The following CNTN4 variants were observed in gnomAD, a reference collection of about 807,000 sequenced individuals.
CNTN4 encodes contactin 4, also known as contactin-4.
Under a neutral mutation model 122.5 loss-of-function variants are expected in CNTN4, and 77 were observed. The observed-to-expected ratio is 0.63, with a 90% CI of 0.52 to 0.76. CNTN4 has a LOEUF of 0.76. Among genes scored for constraint, CNTN4 ranks in the 30% least tolerant of loss-of-function variants. The pLI, the probability that CNTN4 is intolerant of heterozygous loss-of-function variation, is 0.00. For missense variants in CNTN4, 1,256 were observed against 1,259.1 expected, an observed-to-expected ratio of 1.00 and a Z score of 0.04; for synonymous variants, 512 against 447.0, an observed-to-expected ratio of 1.15 and a Z score of -1.83.
chr3:2,551,101 T>TA (rs550637725), intron 3 of CNTN4, among the ~76,000 whole-genome samples: 98 of 148,888 alleles, frequency 6.6e-4, no homozygotes, highest in East Asian at 2.6e-3. Flanking sequence ...TAAAATATAA[T>TA]AAAAAAAAAA....
intron 2 of CNTN4, among the ~76,000 whole-genome samples, chr3:2,332,344 A>C (rs527902717): frequency 1.3e-5 from 2 of 152,174 alleles, no homozygotes; most frequent in Admixed American, 6.5e-5. Context: ...ATCTCTCCAA[A>C]TAAGTATAAT....
At chr3:2,302,970 A>G (rs1485198695) in intron 2 of CNTN4, among the ~76,000 whole-genome samples, 2 of 152,184 alleles carry the variant, frequency 1.3e-5, no homozygotes, top group Non-Finnish European at 2.9e-5. Flanking sequence ...ACCCTGGAAG[A>G]AGCTGCTTTG....
At chr3:2,515,456 G>C (rs1284973874) in intron 3 of CNTN4, among the ~76,000 whole-genome samples, 1 of 152,136 alleles carries the variant, frequency 6.6e-6, no homozygotes, top group African/African-American at 2.4e-5. Context: ...CGAATGATTT[G>C]ATTTTTCTGT....
chr3:2,884,467 A>C (rs776253090), intron 9 of CNTN4, among the ~76,000 whole-genome samples: 15 of 152,198 alleles, frequency 9.9e-5, no homozygotes, highest in Non-Finnish European at 2.1e-4. Flanking sequence ...AAAACTTATC[A>C]TATTAAATAA....
At chr3:2,297,372 G>T (rs1287905314) in intron 2 of CNTN4, among the ~76,000 whole-genome samples, 1 of 152,108 alleles carries the variant, frequency 6.6e-6, no homozygotes, top group Non-Finnish European at 1.5e-5. Flanking sequence ...TAAACATTCT[G>T]ATGCTTTAAC....
At chr3:2,578,762 T>A (rs2149545505) in intron 4 of CNTN4, among the ~76,000 whole-genome samples, 1 of 152,252 alleles carries the variant, frequency 6.6e-6, no homozygotes, top group African/African-American at 2.4e-5. Context: ...GGTTTCCTGT[T>A]TGCTCTACGC....
rs145854472 is a variant in CNTN4, at chr3:2,476,234, C to T, written c.-88-95182C>T. On this transcript the variant is annotated intron_variant, in intron 3 of 24. Coordinates refer to ENST00000418658, the MANE Select transcript of CNTN4 (RefSeq NM_175607.3). ...TAGTTCAGGTGATTTTGTGGGCTTG[C>T]ACTTTCTGATGAAACCAGAGGCAGA... Among the ~76,000 whole-genome samples the T allele has an allele frequency of 1.9e-3, 295 of 152,280 alleles. 1 individual carries two copies. The highest frequency in any genetic ancestry group is 3.6e-3 in the Non-Finnish European group (247 of 68,022).
chr3:2,323,895 A>G (rs1264609687), intron 2 of CNTN4, among the ~76,000 whole-genome samples: 1 of 152,210 alleles, frequency 6.6e-6, no homozygotes. Context: ...TGTACCGTGC[A>G]TTGGCAATCC....
At chr3:3,017,061 C>T (rs1297135381) in intron 14 of CNTN4, among the ~76,000 whole-genome samples, 1 of 152,154 alleles carries the variant, frequency 6.6e-6, no homozygotes, top group Non-Finnish European at 1.5e-5. Flanking sequence ...TGTGAACGTG[C>T]CCTATGCTAC....
chr3:2,782,331 A>G (rs924539007), intron 6 of CNTN4, among the ~76,000 whole-genome samples: 40 of 152,152 alleles, frequency 2.6e-4, no homozygotes, highest in African/African-American at 9.4e-4. Context: ...GTTTATAGCA[A>G]GATACCTCTG....
intron 4 of CNTN4, among the ~76,000 whole-genome samples, chr3:2,714,200 A>T (rs2728045): frequency 0.063 from 9,528 of 152,048 alleles, 751 homozygotes; most frequent in African/African-American, 0.19. Context: ...CAATTTTTTT[A>T]AAAAAATCAG....
intron 17 of CNTN4, among the ~76,000 whole-genome samples, chr3:3,036,549 G>A (rs573896543): frequency 6.6e-6 from 1 of 152,122 alleles, no homozygotes; most frequent in South Asian, 2.1e-4. Context: ...GATCGCTTGA[G>A]CCCAGGAGTT....
intron 6 of CNTN4, among the ~76,000 whole-genome samples, chr3:2,763,199 C>G (rs1423248294): frequency 6.6e-6 from 1 of 152,166 alleles, no homozygotes; most frequent in Non-Finnish European, 1.5e-5. Flanking sequence ...CCCACCTCGG[C>G]CTCCCAAAGT....
intron 8 of CNTN4, among the ~76,000 whole-genome samples, chr3:2,879,424 T>C (rs1485534802): frequency 6.6e-6 from 1 of 152,210 alleles, no homozygotes; most frequent in Non-Finnish European, 1.5e-5. Flanking sequence ...TGTAATGCTT[T>C]GTTAAAGCAT....
chr3:2,598,807 A>G (rs186289182), intron 4 of CNTN4, among the ~76,000 whole-genome samples: 2 of 152,306 alleles, frequency 1.3e-5, no homozygotes, highest in East Asian at 1.9e-4. Context: ...TCCCTCCAAC[A>G]TATATACATG....
chr3:2,943,487 G>A (rs575284004), intron 13 of CNTN4, among the ~76,000 whole-genome samples: 2 of 151,706 alleles, frequency 1.3e-5, no homozygotes, highest in Admixed American at 1.3e-4. Flanking sequence ...CACCATCTTC[G>A]TTCTTGATTT....
At chr3:2,477,476 T>G (rs753197101) in intron 3 of CNTN4, among the ~76,000 whole-genome samples, 1 of 152,188 alleles carries the variant, frequency 6.6e-6, no homozygotes, top group African/African-American at 2.4e-5. Flanking sequence ...AAACAGAATA[T>G]TTTTATCCTA....
chr3:2,191,527 C>T (rs1164913506), intron 2 of CNTN4, among the ~76,000 whole-genome samples: 1 of 151,942 alleles, frequency 6.6e-6, no homozygotes, highest in Non-Finnish European at 1.5e-5. Flanking sequence ...CATGTGGTGC[C>T]GCCACTAGGT....
At chr3:2,176,312 A>C (rs977688699) in intron 2 of CNTN4, among the ~76,000 whole-genome samples, 19 of 152,192 alleles carry the variant, frequency 1.2e-4, no homozygotes, top group African/African-American at 4.3e-4. Context: ...AAAGGGTCTA[A>C]TATGTACTTA....
Sources: gnomAD v4.1 joint callset for allele counts (sites outside exome capture counted in the v4.1 genomes callset) on GRCh38, gnomAD v4.1.1 for gene constraint, MANE v1.5 for transcripts, NCBI Gene and HGNC (gene_info 2026-07-23, HGNC 2026-07-21) for gene names.